SGCZ: variants seen among roughly 807,000 people sequenced by gnomAD.
SGCZ encodes sarcoglycan zeta, also known as zeta-sarcoglycan.
In SGCZ, 40 loss-of-function variants were observed where a neutral mutation model predicts 41.3. The observed-to-expected ratio is 0.97, with a 90% confidence interval of 0.75 to 1.26. The LOEUF (loss-of-function observed/expected upper bound fraction) is 1.26, where lower values mean the gene tolerates loss of function less well. Among genes scored for constraint, SGCZ ranks in the 50% most tolerant of loss-of-function variants. SGCZ has a pLI of 0.00. For missense variants in SGCZ, 552 were observed against 369.8 expected (o/e 1.49, Z -4.04); for synonymous variants, 206 against 137.5 (o/e 1.50, Z -3.49).
intron 1 of SGCZ, among the ~76,000 whole-genome samples, chr8:14,832,775 A>C (rs1195185557): frequency 2.6e-5 from 4 of 152,118 alleles, no homozygotes. Context: ...ATAAAACATT[A>C]CAGTGAAAAT....
intron 3 of SGCZ, among the ~76,000 whole-genome samples, chr8:14,263,163 TA>T (rs1176617552): frequency 6.6e-6 from 1 of 152,178 alleles, no homozygotes; most frequent in Non-Finnish European, 1.5e-5. Context: ...AATTCAAAAC[TA>T]TTTTTCAACA....
rs148487872 is a variant in SGCZ, at chr8:14,129,829, A to C, written c.548-21594T>G. Among the ~76,000 whole-genome samples the C allele has an allele frequency of 1.1e-4, 16 of 152,318 alleles. No homozygotes were observed. In the East Asian group the frequency reaches 3.1e-3, roughly 29 times the overall value. The stretch of plus-strand genomic sequence containing the variant: ...GAAAATGACAAAACATTGCCCAGAG[A>C]AATGAATAAAGACAGAAGTAACTGG... On this transcript the variant is annotated intron_variant, in intron 5 of 7. Transcript: ENST00000382080.
intron 2 of SGCZ, among the ~76,000 whole-genome samples, chr8:14,497,809 C>T (rs1019754578): frequency 6.6e-6 from 1 of 152,084 alleles, no homozygotes; most frequent in Non-Finnish European, 1.5e-5. Context: ...TTGGAGGGGA[C>T]ACACATTCAA....
At chr8:14,689,135 T>C (rs545957022) in intron 1 of SGCZ, among the ~76,000 whole-genome samples, 20 of 152,266 alleles carry the variant, frequency 1.3e-4, no homozygotes, top group Middle Eastern at 3.4e-3. Context: ...AGCTCTTTAA[T>C]ACAAATTTTC....
intron 2 of SGCZ, among the ~76,000 whole-genome samples, chr8:14,354,418 T>G (rs938973343): frequency 2.0e-5 from 3 of 151,884 alleles, no homozygotes. Flanking sequence ...GTGAATATAG[T>G]AAGATATTTT....
At chr8:15,175,344 T>C (rs1345002530) in intron 1 of SGCZ, among the ~76,000 whole-genome samples, 1 of 151,772 alleles carries the variant, frequency 6.6e-6, no homozygotes, top group Non-Finnish European at 1.5e-5. Flanking sequence ...TAGATTACTA[T>C]GCAGCCATAA....
intron 2 of SGCZ, among the ~76,000 whole-genome samples, chr8:14,494,342 C>G (rs904381325): frequency 6.6e-6 from 1 of 152,068 alleles, no homozygotes; most frequent in African/African-American, 2.4e-5. Flanking sequence ...TGGCTCAGCC[C>G]GGCTACTGTT....
At chr8:15,157,967 T>C (rs1799383581) in intron 1 of SGCZ, among the ~76,000 whole-genome samples, 1 of 152,196 alleles carries the variant, frequency 6.6e-6, no homozygotes, top group African/African-American at 2.4e-5. Context: ...TCTTGCCCAG[T>C]GACTGGCAGA....
intron 1 of SGCZ, among the ~76,000 whole-genome samples, chr8:14,633,958 C>G (rs1806742753): frequency 6.6e-6 from 1 of 151,860 alleles, no homozygotes; most frequent in African/African-American, 2.4e-5. Context: ...TGAATACTAA[C>G]AGTCCTTCTG....
intron 1 of SGCZ, among the ~76,000 whole-genome samples, chr8:15,236,479 G>T (rs924773349): frequency 6.6e-6 from 1 of 152,042 alleles, no homozygotes; most frequent in African/African-American, 2.4e-5. Flanking sequence ...AAAGAAGCCA[G>T]AATCCATCTG....
chr8:14,987,988 C>T (rs1374113285), intron 1 of SGCZ, among the ~76,000 whole-genome samples: 1 of 151,932 alleles, frequency 6.6e-6, no homozygotes, highest in Non-Finnish European at 1.5e-5. Flanking sequence ...ACAATAATCA[C>T]TATGAATATA....
intron 1 of SGCZ, among the ~76,000 whole-genome samples, chr8:15,186,680 A>C (rs978477739): frequency 2.0e-5 from 3 of 152,208 alleles, no homozygotes; most frequent in Admixed American, 1.3e-4. Context: ...GTGAGCAATC[A>C]ATAAGTATTT....
intron 1 of SGCZ, among the ~76,000 whole-genome samples, chr8:15,044,212 T>G (rs959649674): frequency 6.6e-6 from 1 of 152,152 alleles, no homozygotes; most frequent in African/African-American, 2.4e-5. Flanking sequence ...CTACAAAACC[T>G]CACACTGCAC....
intron 1 of SGCZ, among the ~76,000 whole-genome samples, chr8:15,106,147 T>A (rs989053703): frequency 1.3e-5 from 2 of 152,184 alleles, no homozygotes; most frequent in South Asian, 4.1e-4. Flanking sequence ...TAATTTCATA[T>A]GTTTATTTTT....
chr8:15,133,649 A>T (rs1308792327), intron 1 of SGCZ, among the ~76,000 whole-genome samples: 1 of 152,090 alleles, frequency 6.6e-6, no homozygotes, highest in Non-Finnish European at 1.5e-5. Context: ...GATGTCTTTT[A>T]CTCTCTTATG....
chr8:14,722,941 T>A (rs1332858138), intron 1 of SGCZ, among the ~76,000 whole-genome samples: 2 of 151,996 alleles, frequency 1.3e-5, no homozygotes, highest in African/African-American at 4.8e-5. Flanking sequence ...TCCGAAAAAA[T>A]CTAAATTACC....
At chr8:15,166,973 G>A (rs771975999) in intron 1 of SGCZ, among the ~76,000 whole-genome samples, 10 of 152,110 alleles carry the variant, frequency 6.6e-5, no homozygotes, top group South Asian at 2.1e-4. Context: ...AAGCTGAAGC[G>A]AATCTTTTTG....
intron 1 of SGCZ, among the ~76,000 whole-genome samples, chr8:14,582,716 T>A (rs1804933054): frequency 7.1e-6 from 1 of 141,386 alleles, no homozygotes; most frequent in East Asian, 2.2e-4. Context: ...TGTCCGTGTG[T>A]TCTCATTGTT....
chr8:14,340,966 T>A (rs73516227), intron 2 of SGCZ, among the ~76,000 whole-genome samples: 1,861 of 152,210 alleles, frequency 0.012, 30 homozygotes, highest in African/African-American at 0.03. Flanking sequence ...CAGCCCCTGG[T>A]AACTGCTATT....
Sources: allele counts gnomAD v4.1 joint callset (sites outside exome capture counted in the v4.1 genomes callset), GRCh38; gene constraint gnomAD v4.1.1; transcripts MANE v1.5; gene names NCBI Gene and HGNC (gene_info 2026-07-23, HGNC 2026-07-21).